NBEA: variants seen among roughly 807,000 people sequenced by gnomAD.
NBEA encodes the protein neurobeachin.
NBEA carries 44 observed loss-of-function variants against 343.4 expected under a neutral mutation model. The observed-to-expected ratio is 0.13, with a 90% CI of 0.10 to 0.16. NBEA has a LOEUF of 0.16. Ranked by LOEUF, NBEA falls within the 10% of genes least tolerant of loss-of-function variation. The pLI is 1.00. For missense variants in NBEA, 2,555 were observed against 3,631.3 expected (o/e 0.70, Z 7.62); for synonymous variants, 1,175 against 1,238.7 (o/e 0.95, Z 1.08).
intron 41 of NBEA, among the ~76,000 whole-genome samples, chr13:35,528,273 CTGTT>C (rs1362697180): frequency 1.3e-5 from 2 of 152,232 alleles, no homozygotes; most frequent in Non-Finnish European, 2.9e-5. Context: ...TAATCAAACT[CTGTT>C]TGTCTTTTTT....
At chr13:35,255,521 G>GTA (rs951984552) in intron 34 of NBEA, among the ~76,000 whole-genome samples, 8 of 152,374 alleles carry the variant, frequency 5.3e-5, no homozygotes, top group African/African-American at 1.9e-4. Flanking sequence ...CTGCAGTGGG[G>GTA]TAAAAAGCTC....
At chr13:34,960,229 TTAAAAAG>T (rs1402363700) in intron 1 of NBEA, among the ~76,000 whole-genome samples, 1 of 151,976 alleles carries the variant, frequency 6.6e-6, no homozygotes, top group Non-Finnish European at 1.5e-5. Context: ...GTTTAAAAAG[TTAAAAAG>T]TAAACATAGA....
At chr13:35,308,459 T>C (rs1358174638) in intron 35 of NBEA, among the ~76,000 whole-genome samples, 6 of 118,924 alleles carry the variant, frequency 5.0e-5, no homozygotes, top group African/African-American at 2.4e-4. Context: ...TATATATATA[T>C]ATATATATAT....
intron 1 of NBEA, among the ~76,000 whole-genome samples, chr13:35,024,281 A>T (rs1447052133): frequency 6.6e-6 from 1 of 152,160 alleles, no homozygotes; most frequent in Non-Finnish European, 1.5e-5. Flanking sequence ...TGCTATTGTG[A>T]ATAGTGCTGC....
intron 33 of NBEA, among the ~76,000 whole-genome samples, chr13:35,214,811 A>C (rs1456608444): frequency 6.6e-6 from 1 of 151,806 alleles, no homozygotes; most frequent in East Asian, 1.9e-4. Context: ...CTTCTAAAAT[A>C]AAAGTTTTGT....
At position 35,352,332 on chromosome 13, in the gene NBEA, T is replaced by C; in HGVS notation, c.6179+9T>C. 1 of 1,400,248 alleles carries C rather than the reference T, an allele frequency of 7.1e-7. No individual in the cohort carries two copies. The highest frequency in any genetic ancestry group is 9.5e-7 in the Non-Finnish European group (1 of 1,055,556). The allele number at this position is 1,400,248 out of a possible 1,614,324, so 86.7% of individuals were successfully genotyped here. A position where few individuals can be genotyped will look rare whatever the true frequency, so the allele number is the denominator to read the frequency against. On this transcript the variant is annotated intron_variant, in intron 38 of 58. Transcript: ENST00000379939. ...GGAGCAGTTTCTCATAGGTGAGTTA[T>C]AATAAATTCGAGTAAATAATAATTC...
At position 35,048,581 on chromosome 13, in the gene NBEA, A is replaced by G. The variant is rs368676008; in HGVS notation, c.742A>G (p.Ile248Val). 2.7e-5 allele frequency: 43 copies of G among 1,607,068 alleles called. No homozygotes were observed. Among genetic ancestry groups the G allele is most frequent in the African/African-American group, 8.0e-5 (6 of 74,746 alleles). Residue 248 changes from isoleucine to valine, a missense_variant, in exon 5 of 59, where the codon ATT becomes GTT. This residue lies in a region of NBEA where 185 missense variants were observed against 290.6 expected (regional missense o/e 0.64). Coordinates refer to ENST00000379939, the MANE Select transcript of NBEA (RefSeq NM_001385012.1). Reference protein sequence around the residue: ...CSAAAIALPPIAKWPYQNGFT... With the variant: ...CSAAAIALPPVAKWPYQNGFT... ...CTTGTAGGCAATTGCCTTGCCTCCT[A>G]TTGCAAAGTGGCCTTATCAGAATGG... is the stretch of plus-strand genomic sequence containing the variant.
chr13:35,544,206 A>T (rs1022012827), intron 41 of NBEA, among the ~76,000 whole-genome samples: 8 of 152,192 alleles, frequency 5.3e-5, no homozygotes, highest in Non-Finnish European at 1.2e-4. Context: ...GAACTCTAAA[A>T]AGGGTTTGCC....
At chr13:35,047,851 AAAAT>A (rs1364127990) in intron 4 of NBEA, among the ~76,000 whole-genome samples, 8 of 35,888 alleles carry the variant, frequency 2.2e-4, no homozygotes, top group African/African-American at 5.7e-4. Flanking sequence ...AAAGTCTAGG[AAAAT>A]AAATAAATAC....
At chr13:35,392,954 A>G (rs1207430621) in intron 38 of NBEA, among the ~76,000 whole-genome samples, 1 of 152,194 alleles carries the variant, frequency 6.6e-6, no homozygotes, top group East Asian at 1.9e-4. Context: ...TGAACATTCC[A>G]TTGGGAATTA....
chr13:35,467,754 A>G (rs1484188274), intron 40 of NBEA, among the ~76,000 whole-genome samples: 2 of 152,222 alleles, frequency 1.3e-5, no homozygotes, highest in Admixed American at 1.3e-4. Context: ...ACAATATTTT[A>G]CATGTTCTAA....
intron 34 of NBEA, among the ~76,000 whole-genome samples, chr13:35,245,891 T>C (rs1011005098): frequency 2.6e-5 from 4 of 152,220 alleles, no homozygotes; most frequent in Non-Finnish European, 4.4e-5. Context: ...TTCCAAACTT[T>C]TAGATTTCTC....
intron 45 of NBEA, among the ~76,000 whole-genome samples, chr13:35,577,316 G>C (rs1057258315): frequency 2.6e-5 from 4 of 152,194 alleles, no homozygotes; most frequent in Non-Finnish European, 5.9e-5. Flanking sequence ...CCTGCACCAG[G>C]TAGACCAAGA....
Position 35,646,254 on chromosome 13 carries a change from T to C in NBEA, c.7681-5T>C, listed in dbSNP as rs199786223. 2.9e-5 allele frequency: 46 copies of C among 1,609,138 alleles called. No homozygotes were observed. Among genetic ancestry groups the C allele is most frequent in the Non-Finnish European group, 3.5e-5 (41 of 1,176,110 alleles). On this transcript the variant is annotated splice_region_variant and splice_polypyrimidine_tract_variant and intron_variant, in intron 50 of 58. Coordinates refer to ENST00000379939, the MANE Select transcript of NBEA (RefSeq NM_001385012.1). ...ATTATGACAATCACCCTCCTTCCCCTGCAGGCCATGGAGGCACAGATACAG... is the reference window on the plus strand; with the variant it reads ...ATTATGACAATCACCCTCCTTCCCCCGCAGGCCATGGAGGCACAGATACAG...
At chr13:34,943,568 T>C (rs1450998014) in intron 1 of NBEA, among the ~76,000 whole-genome samples, 1 of 152,142 alleles carries the variant, frequency 6.6e-6, no homozygotes, top group Non-Finnish European at 1.5e-5. Flanking sequence ...GAGAAGCGCA[T>C]TAGCTTCCAA....
intron 39 of NBEA, among the ~76,000 whole-genome samples, chr13:35,433,976 CAG>C (rs1400235774): frequency 6.6e-5 from 10 of 151,994 alleles, no homozygotes; most frequent in Admixed American, 6.5e-4. Context: ...CAATTTGTAA[CAG>C]AGTTTATACT....
At chr13:35,112,724 A>G (rs905470013) in intron 13 of NBEA, among the ~76,000 whole-genome samples, 11 of 152,206 alleles carry the variant, frequency 7.2e-5, no homozygotes, top group Non-Finnish European at 1.3e-4. Context: ...TTATCACTTT[A>G]GCCTTTACTA....
chr13:35,311,318 AAT>A (rs954654818), intron 36 of NBEA, among the ~76,000 whole-genome samples: 1 of 149,336 alleles, frequency 6.7e-6, no homozygotes, highest in Non-Finnish European at 1.5e-5. Flanking sequence ...GCGAAGTAAA[AAT>A]ATATATATAT....
intron 41 of NBEA, among the ~76,000 whole-genome samples, chr13:35,487,067 A>G (rs1325177800): frequency 6.6e-6 from 1 of 151,964 alleles, no homozygotes; most frequent in Non-Finnish European, 1.5e-5. Flanking sequence ...AGTGAGCTAT[A>G]CCACCCACAA....
Sources: gnomAD v4.1 joint callset for allele counts (sites outside exome capture counted in the v4.1 genomes callset) on GRCh38, gnomAD v4.1.1 for gene constraint, gnomAD v4.1.1 regional missense constraint, MANE v1.5 for transcripts, NCBI Gene and HGNC (gene_info 2026-07-23, HGNC 2026-07-21) for gene names.